Variants in HSD17B12 observed in about 807,000 individuals in gnomAD.
HSD17B12 encodes the protein very-long-chain 3-oxoacyl-CoA reductase.
Under a neutral mutation model 39.3 loss-of-function variants are expected in HSD17B12, and 32 were observed. The ratio of observed to expected loss-of-function variants is 0.81; its 90% confidence interval spans 0.61 to 1.09. The LOEUF (loss-of-function observed/expected upper bound fraction) is 1.09. Among genes scored for constraint, HSD17B12 ranks in the 50% least tolerant of loss-of-function variants. The pLI, the probability that HSD17B12 is intolerant of heterozygous loss-of-function variation, is 0.00. For missense variants in HSD17B12, 342 were observed against 382.9 expected, an observed-to-expected ratio of 0.89 and a Z score of 0.89; for synonymous variants, 150 against 146.7, an observed-to-expected ratio of 1.02 and a Z score of -0.16.
the HSD17B12 span, among the ~76,000 whole-genome samples, chr11:43,580,187 G>GGAGGGAGGAAGAGGGAGGGAGGGAGAGT: frequency 6.6e-6 from 1 of 151,166 alleles, no homozygotes; most frequent in Non-Finnish European, 1.5e-5. Context: ...GGAGGAAGAG[G>GGAGGGAGGAAGAGGGAGGGAGGGAGAGT]GAGGGAGGAA....
At chr11:43,755,799 C>T (rs1190767984) in intron 3 of HSD17B12, among the ~76,000 whole-genome samples, 1 of 152,192 alleles carries the variant, frequency 6.6e-6, no homozygotes, top group Non-Finnish European at 1.5e-5. Flanking sequence ...AGCTTCACTT[C>T]ATCTTTAGAT....
chr11:43,652,535 C>G, the HSD17B12 span, among the ~76,000 whole-genome samples: 2 of 152,136 alleles, frequency 1.3e-5, no homozygotes, highest in Admixed American at 1.3e-4. Context: ...CCTTCAGATG[C>G]CAGTTGCAAG....
At chr11:43,719,790 C>CT (rs1210105404) in intron 1 of HSD17B12, among the ~76,000 whole-genome samples, 2 of 152,078 alleles carry the variant, frequency 1.3e-5, no homozygotes, top group Non-Finnish European at 2.9e-5. Flanking sequence ...AGCTGAGTAG[C>CT]TTTTCAACCT....
At chr11:43,676,209 G>GTGTGTGTA (rs1491158054), upstream of HSD17B12, among the ~76,000 whole-genome samples, 3 of 766 alleles carry the variant, frequency 3.9e-3, no homozygotes, top group Admixed American at 0.056. Flanking sequence ...GAGGAAGAGG[G>GTGTGTGTA]TGTGTGTGTG....
intron 1 of HSD17B12, among the ~76,000 whole-genome samples, chr11:43,721,170 A>T (rs1293536244): frequency 6.6e-6 from 1 of 151,962 alleles, no homozygotes; most frequent in East Asian, 1.9e-4. Flanking sequence ...GTAATTGCAC[A>T]TGGAAGTGGA....
chr11:43,587,326 A>AAC, the HSD17B12 span, among the ~76,000 whole-genome samples: 280 of 151,656 alleles, frequency 1.8e-3, no homozygotes, highest in Non-Finnish European at 3.3e-3. Context: ...GAAAAAAAAA[A>AAC]CCAGGCATTT....
the HSD17B12 span, among the ~76,000 whole-genome samples, chr11:43,588,800 T>C: frequency 6.6e-6 from 1 of 151,776 alleles, no homozygotes; most frequent in Non-Finnish European, 1.5e-5. Context: ...TGCCCAGGAT[T>C]ACCCTCTGGG....
intron 3 of HSD17B12, among the ~76,000 whole-genome samples, chr11:43,787,847 G>T (rs555797955): frequency 2.8e-4 from 43 of 151,954 alleles, no homozygotes; most frequent in African/African-American, 1.0e-3. Flanking sequence ...TTAAAGAAAA[G>T]AAATAAAATC....
chr11:43,705,578 G>A lies in HSD17B12; in HGVS notation c.160+24591G>A, dbSNP rs532129100. Among the ~76,000 whole-genome samples, 32 of 152,056 alleles carry A rather than the reference G, an allele frequency of 2.1e-4. 1 individual carries two copies. In the South Asian group the frequency reaches 6.4e-3, roughly 31 times the overall value. ...TTTGTGCATATTTCTTTCTAATTAC[G>A]TTCCAAATCCAATAAGAAGTCAATT... On this transcript the variant is annotated intron_variant, in intron 1 of 10. Coordinates refer to ENST00000278353, the MANE Select transcript of HSD17B12 (RefSeq NM_016142.3).
chr11:43,793,713 G>GACTA (rs2135035951), intron 3 of HSD17B12, among the ~76,000 whole-genome samples: 1 of 152,296 alleles, frequency 6.6e-6, no homozygotes, highest in East Asian at 1.9e-4. Context: ...TGAGGGTTCA[G>GACTA]TTCCTTTTCT....
At chr11:43,600,585 G>T in the HSD17B12 span, among the ~76,000 whole-genome samples, 1 of 151,910 alleles carries the variant, frequency 6.6e-6, no homozygotes, top group African/African-American at 2.4e-5. Flanking sequence ...ATTATATTTT[G>T]GTGTATGAGC....
At chr11:43,696,206 T>G (rs982700123) in intron 1 of HSD17B12, among the ~76,000 whole-genome samples, 6 of 152,172 alleles carry the variant, frequency 3.9e-5, no homozygotes, top group African/African-American at 1.4e-4. Flanking sequence ...CAGATAAATA[T>G]TCATTGTGTG....
chr11:43,564,009 G>A, the HSD17B12 span, among the ~76,000 whole-genome samples: 1 of 151,982 alleles, frequency 6.6e-6, no homozygotes. Context: ...CGAAAGATAG[G>A]TGCACGCCAC....
chr11:43,618,575 T>C, the HSD17B12 span, among the ~76,000 whole-genome samples: 1 of 152,198 alleles, frequency 6.6e-6, no homozygotes, highest in Non-Finnish European at 1.5e-5. Context: ...CCCATGGTAA[T>C]AATGGCCAAC....
At chr11:43,559,573 G>A in the HSD17B12 span, 1 of 155,904 alleles carries the variant, frequency 6.4e-6, no homozygotes, top group African/African-American at 2.4e-5. Context: ...GCCCACGTCA[G>A]CTCATGAGCC....
chr11:43,715,129 T>C (rs1447632645), intron 1 of HSD17B12, among the ~76,000 whole-genome samples: 4 of 152,054 alleles, frequency 2.6e-5, no homozygotes, highest in South Asian at 4.1e-4. Context: ...TTTCTCCTGC[T>C]TGATTGCCCT....
chr11:43,815,634 C>A, intron 5 of HSD17B12, 133 bp downstream of exon 5: 1 of 516,158 alleles, frequency 1.9e-6, no homozygotes, highest in Admixed American at 2.9e-5. Flanking sequence ...ACCTGAGTTC[C>A]CTGGGTATGG....
At chr11:43,828,772 C>T (rs529439841) in intron 6 of HSD17B12, among the ~76,000 whole-genome samples, 2 of 152,248 alleles carry the variant, frequency 1.3e-5, no homozygotes, top group South Asian at 4.2e-4. Context: ...AACCAAATAT[C>T]AAGATACCAG....
At chr11:43,713,569 A>T (rs1187721659) in intron 1 of HSD17B12, among the ~76,000 whole-genome samples, 2 of 152,136 alleles carry the variant, frequency 1.3e-5, no homozygotes, top group East Asian at 3.9e-4. Flanking sequence ...TGCTATTGTG[A>T]ATAGTGCTGC....
Sources: allele counts gnomAD v4.1 joint callset (sites outside exome capture counted in the v4.1 genomes callset), GRCh38; gene constraint gnomAD v4.1.1; transcripts MANE v1.5; gene names NCBI Gene and HGNC (gene_info 2026-07-23, HGNC 2026-07-21).